Variants in PTCHD4 observed in about 807,000 individuals in gnomAD.
PTCHD4 encodes patched domain-containing protein 4.
A neutral mutation model predicts 58.1 loss-of-function variants in PTCHD4; 33 were observed. The ratio of observed to expected loss-of-function variants is 0.57; its 90% CI spans 0.43 to 0.76. The LOEUF (loss-of-function observed/expected upper bound fraction) is 0.76. Ranked by LOEUF, PTCHD4 falls within the 30% of genes least tolerant of loss-of-function variation. The pLI is 0.00. For missense variants in PTCHD4, 1,058 were observed against 1,027.1 expected, an observed-to-expected ratio of 1.03 and a Z score of -0.41; for synonymous variants, 478 against 409.6, an observed-to-expected ratio of 1.17 and a Z score of -2.02.
intron 1 of PTCHD4, among the ~76,000 whole-genome samples, chr6:48,103,881 T>C (rs9463372): frequency 0.35 from 52,920 of 151,748 alleles, 9,757 homozygotes; most frequent in African/African-American, 0.49. Flanking sequence ...TGAAATGAAG[T>C]GTGAAGAGAA....
At position 47,859,952 on chromosome 6, in the gene PTCHD4, AG is replaced by A; in HGVS notation, c.*18350del. 6.6e-6 allele frequency among the ~76,000 whole-genome samples: 1 copy of A among 151,432 alleles called. No individual in the cohort carries two copies. Among genetic ancestry groups the A allele is most frequent in the Middle Eastern group, 3.4e-3 (1 of 294 alleles). The stretch of plus-strand genomic sequence containing the variant: ...CAGTGGCTGGAGAAGTGGTCAGAGC[AG>A]GAGACAGGGGAACAGACTGGGTGGG... On this transcript the variant is annotated 3_prime_UTR_variant, in exon 5 of 5. Transcript: ENST00000339488.
rs182756506 is a variant in PTCHD4 at position 47,999,901 on chromosome 6, A to T, written c.898+8733T>A. On this transcript the variant is annotated intron_variant, in intron 4 of 4. Coordinates refer to ENST00000339488, the MANE Select transcript of PTCHD4 (RefSeq NM_001384253.1). The stretch of plus-strand genomic sequence containing the variant: ...AGGAAATAATATTGCCATTTCCTTT[A>T]TTGTTTGGTTTAGTTTATGTGAAAG... Among the ~76,000 whole-genome samples, 15 of 152,256 alleles carry T rather than the reference A, an allele frequency of 9.9e-5. No homozygotes were observed. The East Asian group carries it at 2.9e-3, about 29-fold the overall frequency.
intron 3 of PTCHD4, among the ~76,000 whole-genome samples, chr6:48,052,586 G>A (rs1000907662): frequency 3.3e-5 from 5 of 151,996 alleles, no homozygotes; most frequent in South Asian, 2.1e-4. Context: ...TGATGCTTAC[G>A]TTAAACTCTT....
At position 47,876,247 on chromosome 6, in the gene PTCHD4, A is replaced by G. The variant is rs1204981982; in HGVS notation, c.*2056T>C. On this transcript the variant is annotated 3_prime_UTR_variant, in exon 5 of 5. Transcript: ENST00000339488. ...GAGTATTTGTGACATGACTTTACAA[A>G]TAATGTAAAAACAATAACCCTATGA... 6.6e-6 allele frequency among the ~76,000 whole-genome samples: 1 copy of G among 151,894 alleles called. No individual in the cohort carries two copies. Among genetic ancestry groups the G allele is most frequent in the Non-Finnish European group, 1.5e-5 (1 of 67,890 alleles).
intron 4 of PTCHD4, among the ~76,000 whole-genome samples, chr6:47,892,852 C>T (rs182077370): frequency 8.1e-4 from 123 of 152,274 alleles, no homozygotes; most frequent in African/African-American, 2.8e-3. Context: ...CATTCCACAG[C>T]TGGATTTTTT....
Position 47,865,266 on chromosome 6 carries a change from G to T in PTCHD4, c.*13037C>A, listed in dbSNP as rs1763532609. ...CTAAGATATTCGTTTCTTCCTCTTT[G>T]ACTCATCTTTTATTTACTGAATTTA... On this transcript the variant is annotated 3_prime_UTR_variant, in exon 5 of 5. Transcript: ENST00000339488. Among the ~76,000 whole-genome samples the T allele has an allele frequency of 1.3e-5, 2 of 151,736 alleles. No homozygotes were observed. The highest frequency in any genetic ancestry group is 1.5e-5 in the Non-Finnish European group (1 of 67,906).
rs1763651754 is a variant in PTCHD4 at position 47,869,123 on chromosome 6, G to T, written c.*9180C>A. Among the ~76,000 whole-genome samples the T allele has an allele frequency of 6.6e-6, 1 of 151,590 alleles. No individual in the cohort carries two copies. ...AGTGACCTTACATATTTTGAATGTT[G>T]GTTATCTATGCGTTATGTATAATGC... On this transcript the variant is annotated 3_prime_UTR_variant, in exon 5 of 5. Coordinates refer to ENST00000339488, the MANE Select transcript of PTCHD4 (RefSeq NM_001384253.1).
intron 1 of PTCHD4, among the ~76,000 whole-genome samples, chr6:48,082,911 T>A (rs1765195095): frequency 6.6e-6 from 1 of 151,920 alleles, no homozygotes; most frequent in Non-Finnish European, 1.5e-5. Flanking sequence ...TTAACCATCT[T>A]ATTGGTACAT....
intron 4 of PTCHD4, among the ~76,000 whole-genome samples, chr6:47,898,028 T>G (rs1421229364): frequency 1.5e-5 from 2 of 134,912 alleles, no homozygotes; most frequent in Non-Finnish European, 3.1e-5. Context: ...CACTGCACCC[T>G]CTGCCTCTTG....
intron 3 of PTCHD4, among the ~76,000 whole-genome samples, chr6:48,023,919 C>G (rs1053393621): frequency 6.6e-6 from 1 of 152,148 alleles, no homozygotes; most frequent in African/African-American, 2.4e-5. Context: ...GGCAAAACCA[C>G]CTTGGCATCA....
rs66484270 is a variant in PTCHD4 at position 48,070,123 on chromosome 6, TTGTGTGTGTG to T, written c.-969-207_-969-198del. 3.4e-3 allele frequency among the ~76,000 whole-genome samples: 495 copies of T among 146,734 alleles called. 7 individuals carry two copies. The highest frequency in any genetic ancestry group is 3.5e-3 in the Middle Eastern group (1 of 288). On this transcript the variant is annotated intron_variant, in intron 1 of 4. Transcript: ENST00000339488. ...AAAACTAATATTAATAAGTGTGTGT[TTGTGTGTGTG>T]TGTGTGTGTGTGTGTGTGTGTGTAT...
At chr6:48,000,452 C>A (rs1355125491) in intron 4 of PTCHD4, among the ~76,000 whole-genome samples, 3 of 152,200 alleles carry the variant, frequency 2.0e-5, no homozygotes, top group Admixed American at 6.6e-5. Context: ...TTACTCATTT[C>A]TTTTTTTAAA....
At chr6:48,019,811 T>C (rs1183993304) in intron 3 of PTCHD4, among the ~76,000 whole-genome samples, 1 of 152,110 alleles carries the variant, frequency 6.6e-6, no homozygotes, top group African/African-American at 2.4e-5. Flanking sequence ...TGAGAAGGAA[T>C]CGCCTAACTT....
intron 4 of PTCHD4, among the ~76,000 whole-genome samples, chr6:47,880,244 T>G (rs1763980746): frequency 6.6e-6 from 1 of 152,208 alleles, no homozygotes; most frequent in African/African-American, 2.4e-5. Flanking sequence ...GAACACATAT[T>G]GTCTTCCTAA....
rs192555907 is a variant in PTCHD4 at position 47,885,950 on chromosome 6, C to T, written c.899-6014G>A. On this transcript the variant is annotated intron_variant, in intron 4 of 4. Transcript: ENST00000339488. Reference sequence around the variant, plus strand: ...TCTCCAGCCTTAGCCTCCTGAGTAACTGAGATTACAGGCACCTGCCACCAC... The same window carrying T: ...TCTCCAGCCTTAGCCTCCTGAGTAATTGAGATTACAGGCACCTGCCACCAC... Among the ~76,000 whole-genome samples, 14 of 152,190 alleles carry T rather than the reference C, an allele frequency of 9.2e-5. No homozygotes were observed. In the East Asian group the frequency reaches 2.7e-3, roughly 29 times the overall value.
intron 3 of PTCHD4, among the ~76,000 whole-genome samples, chr6:48,039,272 T>C (rs941298044): frequency 6.6e-6 from 1 of 152,056 alleles, no homozygotes; most frequent in Non-Finnish European, 1.5e-5. Flanking sequence ...AAATAGAAGG[T>C]TGAGTCCGAT....
rs1763400066 is a variant in PTCHD4 at position 47,860,554 on chromosome 6, C to T, written c.*17749G>A. The stretch of plus-strand genomic sequence containing the variant: ...CTGTCCTACAGAAAATGTAATCCCT[C>T]ATCCATGCAGCCTTCTTTCTTTCTT... On this transcript the variant is annotated 3_prime_UTR_variant, in exon 5 of 5. Transcript: ENST00000339488. 2.6e-5 allele frequency among the ~76,000 whole-genome samples: 4 copies of T among 152,030 alleles called. No individual in the cohort carries two copies. The highest frequency in any genetic ancestry group is 1.5e-5 in the Non-Finnish European group (1 of 67,950).
chr6:48,099,622 T>A (rs946613141), intron 1 of PTCHD4, among the ~76,000 whole-genome samples: 1 of 152,204 alleles, frequency 6.6e-6, no homozygotes, highest in African/African-American at 2.4e-5. Context: ...AATGTACTTG[T>A]GGATTTGTAG....
chr6:48,085,775 A>G (rs139257716), intron 1 of PTCHD4, among the ~76,000 whole-genome samples: 43 of 152,280 alleles, frequency 2.8e-4, no homozygotes, highest in African/African-American at 1.0e-3. Context: ...TTCTGTCATG[A>G]TAAGATATTC....
Sources: allele counts gnomAD v4.1 joint callset (sites outside exome capture counted in the v4.1 genomes callset), GRCh38; gene constraint gnomAD v4.1.1; transcripts MANE v1.5; gene names NCBI Gene and HGNC (gene_info 2026-07-23, HGNC 2026-07-21).